Variants in CNIH3 observed in about 807,000 individuals in gnomAD.
CNIH3 encodes protein cornichon homolog 3.
CNIH3 carries 14 observed loss-of-function variants against 24.1 expected under a neutral mutation model. The ratio of observed to expected loss-of-function variants is 0.58; its 90% CI spans 0.38 to 0.91. The LOEUF (loss-of-function observed/expected upper bound fraction) is 0.91, where lower values mean the gene tolerates loss of function less well. Ranked by LOEUF, CNIH3 falls within the 40% of genes least tolerant of loss-of-function variation. CNIH3 has a pLI of 0.00. For synonymous variants in CNIH3, 68 were observed against 73.8 expected (o/e 0.92, Z 0.40); for missense variants, 178 against 196.8 (o/e 0.90, Z 0.57).
chr1:224,512,832 G>A (rs1678212797), upstream of CNIH3, among the ~76,000 whole-genome samples: 1 of 152,158 alleles, frequency 6.6e-6, no homozygotes, highest in Non-Finnish European at 1.5e-5. Flanking sequence ...CTTCCCACGT[G>A]TATAGGGGAA....
chr1:224,461,879 T>C (rs1675925216), intron 1 of CNIH3, among the ~76,000 whole-genome samples: 1 of 152,254 alleles, frequency 6.6e-6, no homozygotes, highest in Non-Finnish European at 1.5e-5. Flanking sequence ...TCTGGACATA[T>C]ATAAATGGAG....
intron 4 of CNIH3, among the ~76,000 whole-genome samples, chr1:224,578,360 A>G: frequency 6.6e-6 from 1 of 152,176 alleles, no homozygotes; most frequent in East Asian, 1.9e-4. Context: ...TATTTCCAAC[A>G]ATTTCATCTT....
At chr1:224,736,367 C>T (rs890873807) in intron 5 of CNIH3, among the ~76,000 whole-genome samples, 4 of 152,212 alleles carry the variant, frequency 2.6e-5, no homozygotes, top group African/African-American at 9.7e-5. Context: ...CTCATGTGAT[C>T]TACCCGCCTC....
At chr1:224,479,429 C>G (rs11578709) in intron 1 of CNIH3, among the ~76,000 whole-genome samples, 30,836 of 152,126 alleles carry the variant, frequency 0.2, 3,362 homozygotes, top group Non-Finnish European at 0.23. Flanking sequence ...GCTGGGATTA[C>G]AGGCGTGAGC....
chr1:224,495,807 G>A (rs1011570051), intron 1 of CNIH3, among the ~76,000 whole-genome samples: 1 of 152,146 alleles, frequency 6.6e-6, no homozygotes, highest in African/African-American at 2.4e-5. Context: ...AGCGGGCTGA[G>A]TGTGGGCATC....
chr1:224,563,953 G>A (rs1284536624), intron 3 of CNIH3, among the ~76,000 whole-genome samples: 2 of 152,100 alleles, frequency 1.3e-5, no homozygotes, highest in Admixed American at 1.3e-4. Context: ...CCCACAGAGA[G>A]GACAGAATCT....
chr1:224,522,032 G>A (rs532498317), intron 2 of CNIH3, among the ~76,000 whole-genome samples: 24 of 152,222 alleles, frequency 1.6e-4, no homozygotes, highest in African/African-American at 4.1e-4. Flanking sequence ...GTTATGCTCC[G>A]ATAAAGCATA....
At chr1:224,500,944 C>A (rs572494243) in intron 1 of CNIH3, among the ~76,000 whole-genome samples, 1 of 152,192 alleles carries the variant, frequency 6.6e-6, no homozygotes, top group Non-Finnish European at 1.5e-5. Context: ...ATTCCACACA[C>A]CCTGCACCAT....
intron 1 of CNIH3, among the ~76,000 whole-genome samples, chr1:224,453,626 A>ATTT (rs35000156): frequency 6.8e-6 from 1 of 147,090 alleles, no homozygotes. Context: ...ACAAGGTGGG[A>ATTT]TTTTTTTTTT....
chr1:224,487,573 T>C (rs916077833), intron 1 of CNIH3, among the ~76,000 whole-genome samples: 2 of 152,252 alleles, frequency 1.3e-5, no homozygotes, highest in African/African-American at 4.8e-5. Flanking sequence ...GTTACAGCTA[T>C]CATCTGCAGC....
At chr1:224,633,348 G>C (rs1185535065) in intron 1 of CNIH3, among the ~76,000 whole-genome samples, 2 of 152,020 alleles carry the variant, frequency 1.3e-5, no homozygotes, top group African/African-American at 4.8e-5. Flanking sequence ...TTGTAGAGAT[G>C]GGGTTTTGCC....
chr1:224,739,503 A>G lies in CNIH3; in HGVS notation c.*147A>G. ...GCAGTCAGACTGAATGGGAGCTGGA[A>G]TCACGCAGCAGCTGGGAGCCGAGTT... On this transcript the variant is annotated 3_prime_UTR_variant, in exon 6 of 6. Coordinates refer to ENST00000272133, the MANE Select transcript of CNIH3 (RefSeq NM_152495.2). 6.9e-7 allele frequency: 1 copy of G among 1,455,536 alleles called. No individual in the cohort carries two copies. The highest frequency in any genetic ancestry group is 9.3e-7 in the Non-Finnish European group (1 of 1,077,310). The allele number at this position is 1,455,536 out of a possible 1,614,324, so 90.2% of individuals were successfully genotyped here. A position where few individuals can be genotyped will look rare whatever the true frequency, so the allele number is the denominator to read the frequency against.
At chr1:224,721,171 C>G (rs1351298395) in intron 3 of CNIH3, among the ~76,000 whole-genome samples, 5 of 152,172 alleles carry the variant, frequency 3.3e-5, no homozygotes, top group African/African-American at 1.2e-4. Flanking sequence ...GTCTCCCCAG[C>G]TGGATGGCTT....
intron 1 of CNIH3, among the ~76,000 whole-genome samples, chr1:224,670,306 C>T (rs368851537): frequency 5.9e-5 from 9 of 152,148 alleles, no homozygotes; most frequent in East Asian, 1.9e-4. Context: ...TCTGGACACT[C>T]GGGGCTGCTG....
intron 1 of CNIH3, among the ~76,000 whole-genome samples, chr1:224,453,640 T>A (rs919003118): frequency 1.3e-5 from 2 of 151,434 alleles, no homozygotes; most frequent in Non-Finnish European, 2.9e-5. Flanking sequence ...TTTTTTTTTT[T>A]AATTTTTAGA....
At chr1:224,442,257 C>A (rs1267449944) in intron 1 of CNIH3, among the ~76,000 whole-genome samples, 1 of 152,080 alleles carries the variant, frequency 6.6e-6, no homozygotes, top group African/African-American at 2.4e-5. Flanking sequence ...ATAATTCTCC[C>A]GCCTCAGCTT....
chr1:224,713,222 C>T (rs1688253457), intron 3 of CNIH3, among the ~76,000 whole-genome samples: 1 of 152,198 alleles, frequency 6.6e-6, no homozygotes, highest in Non-Finnish European at 1.5e-5. Context: ...ATCAATGCAC[C>T]TGTAGCTTCC....
intron 3 of CNIH3, among the ~76,000 whole-genome samples, chr1:224,596,131 T>A (rs948190774): frequency 6.6e-6 from 1 of 152,254 alleles, no homozygotes; most frequent in Non-Finnish European, 1.5e-5. Flanking sequence ...CATCTAGGCA[T>A]CTTTCATAGC....
chr1:224,488,353 C>T (rs1022640591), intron 1 of CNIH3, among the ~76,000 whole-genome samples: 6 of 151,610 alleles, frequency 4.0e-5, no homozygotes, highest in East Asian at 1.9e-4. Flanking sequence ...CATCTTTTTT[C>T]GCTCTGATCT....
Sources: gnomAD v4.1 joint callset for allele counts (sites outside exome capture counted in the v4.1 genomes callset) on GRCh38, gnomAD v4.1.1 for gene constraint, MANE v1.5 for transcripts, NCBI Gene and HGNC (gene_info 2026-07-23, HGNC 2026-07-21) for gene names.